The following SOX5 variants were observed in gnomAD, a reference collection of about 807,000 sequenced individuals.
SOX5 encodes SRY-box transcription factor 5.
Under a neutral mutation model 92.0 loss-of-function variants are expected in SOX5, and 9 were observed. That is an observed-to-expected ratio of 0.10 (90% CI 0.06 to 0.17). The LOEUF is 0.17. SOX5 is among the 10% of genes least tolerant of loss of function. SOX5 has a pLI of 1.00. For synonymous variants in SOX5, 344 were observed against 336.3 expected (o/e 1.02, Z -0.25); for missense variants, 642 against 944.5 (o/e 0.68, Z 4.20).
At chr12:24,390,933 G>C (rs1323118015) in intron 1 of SOX5, among the ~76,000 whole-genome samples, 1 of 151,982 alleles carries the variant, frequency 6.6e-6, no homozygotes, top group Admixed American at 6.6e-5. Context: ...ATTTTCCTTT[G>C]GACAGACATC....
At chr12:23,727,186 A>C (rs1351150506) in intron 6 of SOX5, among the ~76,000 whole-genome samples, 1 of 152,196 alleles carries the variant, frequency 6.6e-6, no homozygotes, top group East Asian at 1.9e-4. Flanking sequence ...ACTTCTAAAC[A>C]TTGTTATCAA....
intron 3 of SOX5, among the ~76,000 whole-genome samples, chr12:23,762,184 C>T (rs2094579142): frequency 6.6e-6 from 1 of 152,030 alleles, no homozygotes; most frequent in African/African-American, 2.4e-5. Context: ...TTAACAGTCC[C>T]CTTAGTCAAG....
rs1464812803 is a variant in SOX5, at chr12:24,393,237, G to A, written c.-250-24598C>T. Among the ~76,000 whole-genome samples, 1 of 152,186 alleles carries A rather than the reference G, an allele frequency of 6.6e-6. No homozygotes were observed. The highest frequency in any genetic ancestry group is 2.4e-5 in the African/African-American group (1 of 41,458). ...TGATGACAGCTAGCAGACAAATCCT[G>A]TTCCCCATTCTAAATTCTGTCTACT... On this transcript the variant is annotated intron_variant, in intron 1 of 4. Transcript: ENST00000446891. The surrounding 1 kb of genome is among the most constrained non-coding windows in gnomAD (Gnocchi z 5.0).
intron 7 of SOX5, among the ~76,000 whole-genome samples, chr12:23,655,848 A>T (rs1422955232): frequency 1.3e-5 from 2 of 152,134 alleles, no homozygotes; most frequent in Non-Finnish European, 2.9e-5. Context: ...CATAATATAA[A>T]TGTCTTGAAT....
intron 13 of SOX5, among the ~76,000 whole-genome samples, chr12:23,542,991 A>G (rs1942413864): frequency 1.3e-5 from 2 of 152,188 alleles, no homozygotes; most frequent in Non-Finnish European, 2.9e-5. Context: ...AATAATTAGT[A>G]TGAAGACAAA....
intron 4 of SOX5, among the ~76,000 whole-genome samples, chr12:24,085,811 G>T (rs1249774090): frequency 6.6e-6 from 1 of 151,806 alleles, no homozygotes; most frequent in African/African-American, 2.4e-5. Context: ...TATTAAGTTT[G>T]GGTAAAGAAA....
In SOX5 at chr12:24,198,471, C is replaced by CA. The variant is rs566486204; in HGVS notation, c.-2+14871dup. Among the ~76,000 whole-genome samples the CA allele has an allele frequency of 2.4e-3, 358 of 152,098 alleles. 3 individuals carry two copies. The highest frequency in any genetic ancestry group is 8.0e-3 in the African/African-American group (334 of 41,518). ...TTCTATCTATAGTTTTAGAGAATAA[C>CA]AAAAAAACAATAAATTCCATGTGAA... On this transcript the variant is annotated intron_variant, in intron 4 of 4. Transcript: ENST00000446891.
chr12:23,565,651 G>A lies in SOX5; in HGVS notation c.1343-2248C>T, dbSNP rs1328311206. ...AACTGACAGACCTATGTTCTGTAATGGTTATTTCCAATTTGAGATGTGTGT... is the reference window on the plus strand; with the variant it reads ...AACTGACAGACCTATGTTCTGTAATAGTTATTTCCAATTTGAGATGTGTGT... On this transcript the variant is annotated intron_variant, in intron 10 of 14. Transcript: ENST00000451604. Among the ~76,000 whole-genome samples the A allele has an allele frequency of 2.0e-5, 3 of 152,076 alleles. No individual in the cohort carries two copies. The East Asian group carries it at 5.8e-4, about 29-fold the overall frequency.
intron 2 of SOX5, among the ~76,000 whole-genome samples, chr12:24,315,121 A>G (rs1949578023): frequency 6.6e-6 from 1 of 152,084 alleles, no homozygotes; most frequent in African/African-American, 2.4e-5. Context: ...CATTTACTCT[A>G]CCTCTAGTAT....
At chr12:24,110,597 G>A (rs1370376256) in intron 4 of SOX5, among the ~76,000 whole-genome samples, 1 of 152,062 alleles carries the variant, frequency 6.6e-6, no homozygotes, top group African/African-American at 2.4e-5. Context: ...AAGAAGGTAT[G>A]GATTTAGGCC....
At chr12:24,550,568 C>T (rs1953057694) in intron 1 of SOX5, among the ~76,000 whole-genome samples, 3 of 152,160 alleles carry the variant, frequency 2.0e-5, no homozygotes, top group Non-Finnish European at 2.9e-5. Context: ...ACCTCCATGG[C>T]TAAATACTCC....
chr12:23,650,740 C>T (rs1422761938), intron 7 of SOX5, among the ~76,000 whole-genome samples: 1 of 152,084 alleles, frequency 6.6e-6, no homozygotes, highest in Non-Finnish European at 1.5e-5. Context: ...GGGAACTATT[C>T]AGCTAAAGAA....
chr12:23,587,141 T>G (rs960409120), intron 9 of SOX5, among the ~76,000 whole-genome samples: 8 of 151,950 alleles, frequency 5.3e-5, no homozygotes, highest in Non-Finnish European at 2.9e-5. Flanking sequence ...ACCTAAAAAC[T>G]TCTAACTTTT....
chr12:23,553,129 T>G (rs1426655035), intron 11 of SOX5, among the ~76,000 whole-genome samples: 1 of 152,050 alleles, frequency 6.6e-6, no homozygotes, highest in Non-Finnish European at 1.5e-5. Flanking sequence ...TTTCAACACT[T>G]AAAGCTATGG....
Position 23,592,360 on chromosome 12 carries a change from T to C in SOX5, c.1164+12027A>G, listed in dbSNP as rs554579420. On this transcript the variant is annotated intron_variant, in intron 9 of 14. Coordinates refer to ENST00000451604, the MANE Select transcript of SOX5 (RefSeq NM_006940.6). Reference sequence around the variant, plus strand: ...ATGATAAAACATATTTCTTAAACTGTTGGGTTCTGAAAAAGTCACCCAATG... The same window carrying C: ...ATGATAAAACATATTTCTTAAACTGCTGGGTTCTGAAAAAGTCACCCAATG... Among the ~76,000 whole-genome samples the C allele has an allele frequency of 1.8e-3, 278 of 152,344 alleles. 1 individual carries two copies. The highest frequency in any genetic ancestry group is 6.3e-3 in the African/African-American group (263 of 41,582).
chr12:24,390,576 C>G (rs1344704347), intron 1 of SOX5, among the ~76,000 whole-genome samples: 3 of 152,078 alleles, frequency 2.0e-5, no homozygotes, highest in African/African-American at 7.2e-5. Context: ...ATTCCTTACC[C>G]CGCACCCTTC....
chr12:23,670,284 A>G (rs985590956), intron 6 of SOX5, among the ~76,000 whole-genome samples: 1 of 152,164 alleles, frequency 6.6e-6, no homozygotes, highest in African/African-American at 2.4e-5. Flanking sequence ...ATCATATTGC[A>G]AAAGGGTGAG....
intron 11 of SOX5, among the ~76,000 whole-genome samples, chr12:23,557,677 A>G (rs897554578): frequency 3.3e-5 from 5 of 152,140 alleles, no homozygotes; most frequent in Non-Finnish European, 7.4e-5. Context: ...CAGACAAGGT[A>G]TAAGAACCTG....
intron 6 of SOX5, among the ~76,000 whole-genome samples, chr12:23,692,781 T>C (rs781261263): frequency 1.3e-5 from 2 of 152,190 alleles, no homozygotes; most frequent in Non-Finnish European, 2.9e-5. Flanking sequence ...TGTTTCACAA[T>C]TTCTCGCTGT....
Sources: gnomAD v4.1 joint callset for allele counts (sites outside exome capture counted in the v4.1 genomes callset) on GRCh38, gnomAD v4.1.1 for gene constraint, Gnocchi (gnomAD v3.1) non-coding constraint, MANE v1.5 for transcripts, NCBI Gene and HGNC (gene_info 2026-07-23, HGNC 2026-07-21) for gene names.